The following IRAK2 variants were observed in gnomAD, a reference collection of about 807,000 sequenced individuals.
IRAK2 encodes the protein interleukin 1 receptor associated kinase 2.
In IRAK2, 57 loss-of-function variants were observed where a neutral mutation model predicts 72.0. That is an observed-to-expected ratio of 0.79 (90% CI 0.64 to 0.99). The LOEUF is 0.99. Ranked by LOEUF, IRAK2 falls within the 50% of genes least tolerant of loss-of-function variation. The pLI, the probability that IRAK2 is intolerant of heterozygous loss-of-function variation, is 0.00. For missense variants in IRAK2, 790 were observed against 794.4 expected (o/e 0.99, Z 0.07); for synonymous variants, 293 against 312.7 (o/e 0.94, Z 0.67).
intron 2 of IRAK2, among the ~76,000 whole-genome samples, chr3:10,180,980 G>A (rs1441966225): frequency 1.3e-5 from 2 of 152,178 alleles, no homozygotes; most frequent in African/African-American, 4.8e-5. Context: ...TGGGAGTGAT[G>A]TTCCAGCACA....
Position 10,234,679 on chromosome 3 carries a change from G to T in IRAK2, c.1473+20G>T. 4.4e-6 allele frequency: 7 copies of T among 1,603,904 alleles called. No individual in the cohort carries two copies. The highest frequency in any genetic ancestry group is 6.0e-6 in the Non-Finnish European group (7 of 1,173,724). ...CAGGAGGTGAGCCTCGCCCGCAGCG[G>T]CCTCGCTGCCTGGGCCACGCGTGGG... On this transcript the variant is annotated intron_variant, in intron 11 of 12. Transcript: ENST00000256458.
chr3:10,202,516 G>A (rs915854980), intron 3 of IRAK2, among the ~76,000 whole-genome samples: 18 of 152,030 alleles, frequency 1.2e-4, no homozygotes, highest in East Asian at 3.9e-4. Context: ...CCAGCTACGC[G>A]AGAGGCTGAG....
intron 2 of IRAK2, among the ~76,000 whole-genome samples, chr3:10,183,643 C>T (rs1006533217): frequency 1.3e-5 from 2 of 152,078 alleles, no homozygotes; most frequent in African/African-American, 4.8e-5. Context: ...GTGGTGGGAA[C>T]CCGGGAGGCG....
At position 10,166,755 on chromosome 3, in the gene IRAK2, T is replaced by C. The variant is rs544684952; in HGVS notation, c.94+1707T>C. Reference sequence around the variant, plus strand: ...CGCCTCTTGGATTCAAGTGATTCTCTTGCCTCAGCCTCCCGAGTAGCTGGG... The same window carrying C: ...CGCCTCTTGGATTCAAGTGATTCTCCTGCCTCAGCCTCCCGAGTAGCTGGG... On this transcript the variant is annotated intron_variant, in intron 1 of 12. Transcript: ENST00000256458. Among the ~76,000 whole-genome samples the C allele has an allele frequency of 5.5e-4, 84 of 152,028 alleles. 1 individual carries two copies. The highest frequency in any genetic ancestry group is 2.2e-3 in the Admixed American group (34 of 15,162).
chr3:10,175,934 C>A (rs1004437841), intron 1 of IRAK2, among the ~76,000 whole-genome samples: 1 of 150,726 alleles, frequency 6.6e-6, no homozygotes, highest in Admixed American at 6.6e-5. Context: ...AAAATCTTAC[C>A]TGCAGCGTGG....
At chr3:10,182,699 T>C (rs887310946) in intron 2 of IRAK2, among the ~76,000 whole-genome samples, 3 of 151,754 alleles carry the variant, frequency 2.0e-5, no homozygotes, top group African/African-American at 7.3e-5. Context: ...GCTGAGCCAC[T>C]GCGCCAGGCC....
intron 4 of IRAK2, among the ~76,000 whole-genome samples, chr3:10,212,245 G>A (rs2125155608): frequency 6.6e-6 from 1 of 152,272 alleles, no homozygotes; most frequent in East Asian, 1.9e-4. Flanking sequence ...GGATGGCTTT[G>A]AATGTGGCCC....
intron 4 of IRAK2, among the ~76,000 whole-genome samples, chr3:10,212,407 C>CA: frequency 6.6e-6 from 1 of 151,970 alleles, no homozygotes; most frequent in Admixed American, 6.6e-5. Context: ...AAAAATTGGA[C>CA]ACCCCTGGTT....
At chr3:10,240,961 T>C (rs970099340) in intron 12 of IRAK2, among the ~76,000 whole-genome samples, 6 of 151,868 alleles carry the variant, frequency 4.0e-5, no homozygotes, top group African/African-American at 1.2e-4. Context: ...CCTCCTGCCA[T>C]GGGGAGGGGA....
At chr3:10,171,397 A>C (rs902073208) in intron 1 of IRAK2, among the ~76,000 whole-genome samples, 1 of 151,970 alleles carries the variant, frequency 6.6e-6, no homozygotes, top group African/African-American at 2.4e-5. Flanking sequence ...GCTTATTGTA[A>C]AGGGTCAAGT....
intron 4 of IRAK2, among the ~76,000 whole-genome samples, chr3:10,212,390 G>A (rs1156268233): frequency 6.6e-6 from 1 of 151,804 alleles, no homozygotes; most frequent in Non-Finnish European, 1.5e-5. Context: ...TGTGGTCCAG[G>A]GAAGTCAAAA....
At chr3:10,170,606 A>G (rs950318472) in intron 1 of IRAK2, among the ~76,000 whole-genome samples, 4 of 151,902 alleles carry the variant, frequency 2.6e-5, no homozygotes, top group Admixed American at 6.6e-5. Context: ...GTCTCTCCCT[A>G]TGGAATGGAA....
chr3:10,209,995 C>T (rs1697494381), intron 4 of IRAK2, among the ~76,000 whole-genome samples: 2 of 152,160 alleles, frequency 1.3e-5, no homozygotes, highest in Non-Finnish European at 2.9e-5. Context: ...TCTCGGGTCA[C>T]TGCAACCTCC....
chr3:10,221,100 G>T (rs903099269), intron 8 of IRAK2, among the ~76,000 whole-genome samples: 1 of 146,782 alleles, frequency 6.8e-6, no homozygotes, highest in Non-Finnish European at 1.5e-5. Context: ...CGCTAAAAAA[G>T]TTTTTTTTTT....
chr3:10,165,321 GCGC>G (rs1696664416), intron 1 of IRAK2, among the ~76,000 whole-genome samples: 1 of 152,174 alleles, frequency 6.6e-6, no homozygotes, highest in Non-Finnish European at 1.5e-5. Context: ...CCTCCTGTCA[GCGC>G]TGCTGGCTCG....
chr3:10,220,308 G>A (rs1014796260), intron 8 of IRAK2, among the ~76,000 whole-genome samples: 2 of 152,166 alleles, frequency 1.3e-5, no homozygotes, highest in African/African-American at 4.8e-5. Context: ...ATCTGGAGAC[G>A]GTTAGGATAG....
intron 6 of IRAK2, 63 bp downstream of exon 6, chr3:10,213,611 C>A: frequency 7.7e-7 from 1 of 1,297,276 alleles, no homozygotes; most frequent in Non-Finnish European, 1.1e-6. Context: ...TCCTGTGTGC[C>A]CAGTCATGTT....
intron 11 of IRAK2, among the ~76,000 whole-genome samples, chr3:10,237,140 C>A (rs1005654336): frequency 2.0e-5 from 3 of 152,250 alleles, no homozygotes; most frequent in African/African-American, 7.2e-5. Flanking sequence ...AGCTACATGG[C>A]CACGCCTAGC....
At chr3:10,206,332 A>G (rs1389480883) in intron 3 of IRAK2, among the ~76,000 whole-genome samples, 1 of 152,156 alleles carries the variant, frequency 6.6e-6, no homozygotes, top group East Asian at 1.9e-4. Flanking sequence ...AGCCACAGCC[A>G]GGCCCGCAGA....
Sources: gnomAD v4.1 joint callset for allele counts (sites outside exome capture counted in the v4.1 genomes callset) on GRCh38, gnomAD v4.1.1 for gene constraint, MANE v1.5 for transcripts, NCBI Gene and HGNC (gene_info 2026-07-23, HGNC 2026-07-21) for gene names.